Variants in AGTPBP1 observed in about 807,000 individuals in gnomAD.
AGTPBP1 encodes the protein ATP/GTP binding carboxypeptidase 1.
A neutral mutation model predicts 143.9 loss-of-function variants in AGTPBP1; 70 were observed. The ratio of observed to expected loss-of-function variants is 0.49; its 90% CI spans 0.40 to 0.59. The LOEUF (loss-of-function observed/expected upper bound fraction) is 0.59, where lower values mean the gene tolerates loss of function less well. Among genes scored for constraint, AGTPBP1 ranks in the 20% least tolerant of loss-of-function variants. AGTPBP1 has a pLI of 0.00. For missense variants in AGTPBP1, 1,229 were observed against 1,464.5 expected, an observed-to-expected ratio of 0.84 and a Z score of 2.62; for synonymous variants, 463 against 500.2, an observed-to-expected ratio of 0.93 and a Z score of 0.99.
At chr9:85,679,088 G>A (rs1034728444) in intron 4 of AGTPBP1, among the ~76,000 whole-genome samples, 9 of 152,114 alleles carry the variant, frequency 5.9e-5, no homozygotes, top group Admixed American at 1.3e-4. Context: ...AAGTACATCT[G>A]TATAGTAAGG....
intron 1 of AGTPBP1, among the ~76,000 whole-genome samples, chr9:85,727,158 C>A (rs1838551853): frequency 6.6e-6 from 1 of 152,128 alleles, no homozygotes; most frequent in Admixed American, 6.5e-5. Context: ...GAAACCCCGT[C>A]TCTACCAAAA....
intron 2 of AGTPBP1, among the ~76,000 whole-genome samples, chr9:85,700,221 A>G (rs1185119176): frequency 6.6e-6 from 1 of 152,228 alleles, no homozygotes; most frequent in Non-Finnish European, 1.5e-5. Flanking sequence ...GCTAGGTTAT[A>G]CTACCAAAAC....
chr9:85,555,468 A>G (rs2118504669), intron 25 of AGTPBP1, among the ~76,000 whole-genome samples: 1 of 152,224 alleles, frequency 6.6e-6, no homozygotes. Flanking sequence ...GTGTGGTAGC[A>G]GGCACCTGTA....
chr9:85,798,057 ATTT>A, the AGTPBP1 span, among the ~76,000 whole-genome samples: 2 of 135,594 alleles, frequency 1.5e-5, no homozygotes, highest in Non-Finnish European at 1.6e-5. Flanking sequence ...CACATCGGCT[ATTT>A]TTTTTTTTTT....
At chr9:85,657,247 G>A (rs1380213134) in intron 10 of AGTPBP1, among the ~76,000 whole-genome samples, 188 bp downstream of exon 10, 4 of 150,594 alleles carry the variant, frequency 2.7e-5, no homozygotes. Context: ...GCTGTGCACT[G>A]ACCATTTCCT....
the AGTPBP1 span, among the ~76,000 whole-genome samples, chr9:85,757,159 T>C: frequency 2.6e-5 from 4 of 152,154 alleles, no homozygotes; most frequent in Non-Finnish European, 4.4e-5. Flanking sequence ...CTCTGCCTCC[T>C]GGGTTCAAGT....
chr9:85,766,749 G>A, the AGTPBP1 span, among the ~76,000 whole-genome samples: 1 of 151,994 alleles, frequency 6.6e-6, no homozygotes, highest in African/African-American at 2.4e-5. Flanking sequence ...TTAAAGCCAA[G>A]GTTAATATTC....
chr9:85,801,201 A>C, the AGTPBP1 span, among the ~76,000 whole-genome samples: 1 of 151,972 alleles, frequency 6.6e-6, no homozygotes, highest in South Asian at 2.1e-4. Context: ...AGTCCCAGCT[A>C]CTCGGGAGGC....
rs377710373 is a variant in AGTPBP1 at position 85,618,492 on chromosome 9, T to A, written c.2335+491A>T. ...GACCAATATCCCTCTTTAGTAGAAA[T>A]GAAAAAATCATTAACAAAATATTAG... On this transcript the variant is annotated intron_variant, in intron 17 of 25. Coordinates refer to ENST00000357081, the MANE Select transcript of AGTPBP1 (RefSeq NM_001330701.2). 2.2e-4 allele frequency among the ~76,000 whole-genome samples: 33 copies of A among 150,574 alleles called. 1 individual carries two copies. Among genetic ancestry groups the A allele is most frequent in the African/African-American group, 7.8e-4 (32 of 41,082 alleles).
intron 17 of AGTPBP1, among the ~76,000 whole-genome samples, chr9:85,617,581 C>A (rs1375618855): frequency 1.3e-5 from 2 of 151,984 alleles, no homozygotes; most frequent in African/African-American, 4.8e-5. Flanking sequence ...ATTGAATGAG[C>A]CTATATTTTT....
chr9:85,791,140 G>A, the AGTPBP1 span, among the ~76,000 whole-genome samples: 6 of 152,102 alleles, frequency 3.9e-5, no homozygotes, highest in Non-Finnish European at 5.9e-5. Context: ...AGCACTTTGG[G>A]AGGCTGAGGC....
chr9:85,720,256 C>T (rs1272130237), intron 1 of AGTPBP1, among the ~76,000 whole-genome samples: 1 of 152,130 alleles, frequency 6.6e-6, no homozygotes, highest in Admixed American at 6.5e-5. Context: ...CTCTTTGTAC[C>T]TCTGGTAGAA....
the AGTPBP1 span, among the ~76,000 whole-genome samples, chr9:85,755,288 A>C: frequency 8.5e-5 from 13 of 152,166 alleles, no homozygotes; most frequent in Non-Finnish European, 1.6e-4. Context: ...TTTTGGTGGC[A>C]GTGCTTCATT....
intron 1 of AGTPBP1, among the ~76,000 whole-genome samples, chr9:85,734,565 G>C (rs1302736093): frequency 1.3e-5 from 2 of 152,168 alleles, no homozygotes; most frequent in Non-Finnish European, 2.9e-5. Context: ...TCACTTCGTA[G>C]CTATTAGGAT....
chr9:85,568,401 A>G (rs1827244224), intron 25 of AGTPBP1, among the ~76,000 whole-genome samples: 1 of 152,228 alleles, frequency 6.6e-6, no homozygotes, highest in South Asian at 2.1e-4. Flanking sequence ...CTGGTTTAGA[A>G]GCACTGTTCT....
intron 17 of AGTPBP1, among the ~76,000 whole-genome samples, chr9:85,597,437 T>C (rs1049298785): frequency 1.3e-5 from 2 of 152,106 alleles, no homozygotes; most frequent in African/African-American, 2.4e-5. Flanking sequence ...TTATGCCGAA[T>C]ATAGTGGTAA....
chr9:85,789,888 C>T, the AGTPBP1 span, among the ~76,000 whole-genome samples: 1 of 152,026 alleles, frequency 6.6e-6, no homozygotes, highest in Non-Finnish European at 1.5e-5. Context: ...GTTCTGTGGT[C>T]AAAACAAATT....
intron 24 of AGTPBP1, among the ~76,000 whole-genome samples, chr9:85,578,360 C>T (rs1379579859): frequency 2.6e-5 from 4 of 152,142 alleles, no homozygotes; most frequent in South Asian, 2.1e-4. Context: ...CCTGTAATCC[C>T]GGAACTTTGA....
At chr9:85,715,465 T>C (rs969523452) in intron 1 of AGTPBP1, among the ~76,000 whole-genome samples, 4 of 152,020 alleles carry the variant, frequency 2.6e-5, no homozygotes, top group African/African-American at 9.7e-5. Context: ...AACTAAAACT[T>C]TGGAACTGCA....
Sources: gnomAD v4.1 joint callset for allele counts (sites outside exome capture counted in the v4.1 genomes callset) on GRCh38, gnomAD v4.1.1 for gene constraint, MANE v1.5 for transcripts, NCBI Gene and HGNC (gene_info 2026-07-23, HGNC 2026-07-21) for gene names.